BCAP31: variants seen among roughly 807,000 people sequenced by gnomAD.
BCAP31 encodes the protein B cell receptor associated protein 31, also known as B-cell receptor-associated protein 31.
For missense variants in BCAP31, 124 were observed against 193.0 expected, an observed-to-expected ratio of 0.64 and a Z score of 2.12; for synonymous variants, 75 against 80.9, an observed-to-expected ratio of 0.93 and a Z score of 0.39.
At chrX:153,712,502 G>T (rs1172678937) in intron 4 of BCAP31, among the ~76,000 whole-genome samples, 1 of 112,003 alleles carries the variant, frequency 8.9e-6, no homozygotes, top group Non-Finnish European at 1.9e-5. Flanking sequence ...GAACACTCAA[G>T]TCACCAAGGG....
At chrX:153,716,398 T>G (rs782057106) in intron 3 of BCAP31, among the ~76,000 whole-genome samples, 1 of 108,196 alleles carries the variant, frequency 9.2e-6, no homozygotes, top group Non-Finnish European at 1.9e-5. Flanking sequence ...CAATGATAAG[T>G]TGAACCTGGA....
chrX:153,704,568 T>A (rs2091541917), intron 4 of BCAP31, among the ~76,000 whole-genome samples: 1 of 112,140 alleles, frequency 8.9e-6, no homozygotes, highest in African/African-American at 3.2e-5. Context: ...CTGCCCCAGC[T>A]TATAGAAGAG....
intron 3 of BCAP31, 29 bp from the exon 4 acceptor site, chrX:153,715,718 C>T: frequency 1.7e-6 from 2 of 1,206,578 alleles, no homozygotes; most frequent in Non-Finnish European, 2.2e-6. Context: ...GAGACACGGG[C>T]ATTTAGCGGA....
At chrX:153,716,043 G>A (rs2148380387) in intron 3 of BCAP31, among the ~76,000 whole-genome samples, 1 of 109,425 alleles carries the variant, frequency 9.1e-6, no homozygotes, top group South Asian at 4.0e-4. Context: ...GTGGGCGCCT[G>A]TAATCCCAGC....
rs782097526 is a variant in BCAP31 at position 153,702,827 on chromosome X, C to T, written c.601+108G>A. 699 of 1,070,989 alleles carry T rather than the reference C, an allele frequency of 6.5e-4. 1 individual carries two copies. Among genetic ancestry groups the T allele is most frequent in the Non-Finnish European group, 8.4e-4 (670 of 801,321 alleles). 88.3% of individuals were successfully genotyped at this position (1,070,989 alleles called of 1,213,427 possible). A position where few individuals can be genotyped will look rare whatever the true frequency, so the allele number is the denominator to read the frequency against. On this transcript the variant is annotated intron_variant, in intron 6 of 7. Transcript: ENST00000345046. The stretch of plus-strand genomic sequence containing the variant: ...GGTCTGTTTTCAGCCAGCCCTCGAG[C>T]GTGCGTGCAAGGCTTGTTACTAATA...
chrX:153,701,813 G>A (rs1315292172), intron 7 of BCAP31, among the ~76,000 whole-genome samples, 194 bp downstream of exon 7: 7 of 113,135 alleles, frequency 6.2e-5, no homozygotes, highest in African/African-American at 2.2e-4. Context: ...CTTGGCAAGT[G>A]CCTACATCTG....
intron 4 of BCAP31, among the ~76,000 whole-genome samples, chrX:153,711,532 G>C (rs1457235343): frequency 2.7e-5 from 3 of 111,932 alleles, no homozygotes; most frequent in Admixed American, 1.9e-4. Flanking sequence ...AACCTGCTCG[G>C]GCCATGAGTA....
chrX:153,715,269 A>C (rs1464678077), intron 4 of BCAP31: 3 of 354,039 alleles, frequency 8.5e-6, no homozygotes, highest in Non-Finnish European at 1.5e-5. Flanking sequence ...CTCCATGCAA[A>C]CAGACCGTGA....
At chrX:153,701,167 C>T (rs781814425) in intron 7 of BCAP31, among the ~76,000 whole-genome samples, 192 bp from the exon 8 acceptor site, 124 of 112,279 alleles carry the variant, frequency 1.1e-3, no homozygotes, top group Non-Finnish European at 2.1e-3. Context: ...CCCTGGCCCA[C>T]GCTCTAGGGA....
chrX:153,702,336 C>G (rs1434227537), intron 6 of BCAP31: 4 of 349,045 alleles, frequency 1.1e-5, no homozygotes, highest in Non-Finnish European at 2.0e-5. Flanking sequence ...AGAGGCCATC[C>G]CCCAGTCCCT....
chrX:153,703,361 T>C (rs2091532338), intron 5 of BCAP31, among the ~76,000 whole-genome samples: 1 of 113,189 alleles, frequency 8.8e-6, no homozygotes, highest in Admixed American at 9.2e-5. Context: ...GCAGCAGGGC[T>C]CAGCAGCTCC....
intron 4 of BCAP31, among the ~76,000 whole-genome samples, chrX:153,708,896 G>C (rs1346134816): frequency 2.7e-5 from 3 of 112,501 alleles, no homozygotes; most frequent in Non-Finnish European, 5.6e-5. Flanking sequence ...AAGACGGGAA[G>C]AGGAGGGCTA....
Position 153,704,098 on chromosome X carries a change from CAATT to C in BCAP31, c.342-8_342-5del. On this transcript the variant is annotated splice_region_variant and splice_polypyrimidine_tract_variant and intron_variant, in intron 4 of 7. Transcript: ENST00000345046. The stretch of plus-strand genomic sequence containing the variant: ...AGTCACCAGGCGTCTAAGCAGGCTG[CAATT>C]ATTTACAAAAAGAAGGGAGAAGTGA... 1 of 1,203,387 alleles carries C rather than the reference CAATT, an allele frequency of 8.3e-7. No individual in the cohort carries two copies. Among genetic ancestry groups the C allele is most frequent in the Non-Finnish European group, 1.1e-6 (1 of 890,976 alleles).
intron 4 of BCAP31, among the ~76,000 whole-genome samples, chrX:153,704,383 G>C (rs1461967735): frequency 8.9e-6 from 1 of 112,385 alleles, no homozygotes; most frequent in Admixed American, 9.4e-5. Flanking sequence ...TGAGGTCCCA[G>C]AACGCGGCAC....
Position 153,715,603 on chromosome X carries a change from T to C in BCAP31, c.280A>G (p.Met94Val), listed in dbSNP as rs1557049942. The C allele has an allele frequency of 8.3e-7, 1 of 1,211,229 alleles. No individual in the cohort carries two copies. The highest frequency in any genetic ancestry group is 3.0e-5 in the East Asian group (1 of 33,840). ...NNPGAMEHFH[M>V]KLFRAQRNLY... ...TTCCTCTGGGCACGGAAAAGCTTCA[T>C]GTGGAAGTGCTCCATGGCCCCGGGA... Residue 94 changes from methionine to valine, a missense_variant, in exon 4 of 8, where the codon ATG (methionine) becomes GTG (valine). Physicochemically the swap from Met to Val is conservative, Grantham distance 21. Coordinates refer to ENST00000345046, the MANE Select transcript of BCAP31 (RefSeq NM_001256447.2).
chrX:153,721,194 G>C (rs1557050981), intron 2 of BCAP31: 1 of 358,409 alleles, frequency 2.8e-6, no homozygotes, highest in Non-Finnish European at 4.9e-6. Context: ...TCAGCACTTT[G>C]GGAGACCAAG....
chrX:153,704,073 A>G lies in BCAP31; in HGVS notation c.363T>C (p.Thr121=), dbSNP rs1557047956. 1.7e-6 allele frequency: 2 copies of G among 1,210,668 alleles called. No individual in the cohort carries two copies. Among genetic ancestry groups the G allele is most frequent in the Non-Finnish European group, 2.2e-6 (2 of 894,870 alleles). ...GCAGCGTGGCCTGCTGCGAAATGAG[A>G]GTCACCAGGCGTCTAAGCAGGCTGC... ...LLSFLLRRLV[T]LISQQATLLA... The change falls in exon 5 of 8, where the codon ACT becomes ACC. Residue 121 remains threonine, a synonymous_variant. Transcript: ENST00000345046.
Position 153,723,143 on chromosome X carries a change from T to C in BCAP31, c.92+10A>G, listed in dbSNP as rs963021516. On this transcript the variant is annotated intron_variant, in intron 2 of 7. Coordinates refer to ENST00000345046, the MANE Select transcript of BCAP31 (RefSeq NM_001256447.2). ...CTGCCTAACTCGCCTGCTTGCTCCA[T>C]AGGCCATACCTTTTAGGAGAAATGA... The C allele has an allele frequency of 5.8e-6, 7 of 1,206,372 alleles. No individual in the cohort carries two copies. In the Admixed American group the frequency reaches 8.8e-5, roughly 15 times the overall value.
intron 2 of BCAP31, among the ~76,000 whole-genome samples, chrX:153,722,162 G>A (rs782005433): frequency 4.5e-5 from 5 of 111,118 alleles, no homozygotes; most frequent in Non-Finnish European, 9.4e-5. Context: ...TCTAAGAAGA[G>A]ACTTCAGAAG....
Sources: gnomAD v4.1 joint callset for allele counts (sites outside exome capture counted in the v4.1 genomes callset) on GRCh38, gnomAD v4.1.1 for gene constraint, MANE v1.5 for transcripts, NCBI Gene and HGNC (gene_info 2026-07-23, HGNC 2026-07-21) for gene names.